Variants in STAMBPL1 observed in about 807,000 individuals in gnomAD.
STAMBPL1 encodes the protein STAM binding protein like 1.
A neutral mutation model predicts 52.9 loss-of-function variants in STAMBPL1; 44 were observed. That is an observed-to-expected ratio of 0.83 (90% CI 0.65 to 1.07). The LOEUF is 1.07. Among genes scored for constraint, STAMBPL1 ranks in the 50% least tolerant of loss-of-function variants. The pLI is 0.00. For synonymous variants in STAMBPL1, 164 were observed against 177.3 expected, an observed-to-expected ratio of 0.92 and a Z score of 0.60; for missense variants, 511 against 520.8, an observed-to-expected ratio of 0.98 and a Z score of 0.18.
At chr10:88,890,430 A>G (rs1455834209) in intron 1 of STAMBPL1, among the ~76,000 whole-genome samples, 1 of 152,226 alleles carries the variant, frequency 6.6e-6, no homozygotes. Context: ...ATGCAGGCAG[A>G]GAAAAGGGTG....
chr10:88,891,743 T>C (rs1311853494), intron 1 of STAMBPL1, among the ~76,000 whole-genome samples: 1 of 152,196 alleles, frequency 6.6e-6, no homozygotes, highest in Non-Finnish European at 1.5e-5. Context: ...CTTTATTAGA[T>C]AATTGTGTAG....
At chr10:88,920,663 AT>A (rs1845486311) in intron 8 of STAMBPL1, among the ~76,000 whole-genome samples, 1 of 151,882 alleles carries the variant, frequency 6.6e-6, no homozygotes, top group African/African-American at 2.4e-5. Context: ...GTAATTTATA[AT>A]CCCCCTTTTT....
intron 3 of STAMBPL1, among the ~76,000 whole-genome samples, chr10:88,906,462 G>A (rs1487861512): frequency 6.6e-6 from 1 of 151,902 alleles, no homozygotes; most frequent in Non-Finnish European, 1.5e-5. Flanking sequence ...GTCACATGCC[G>A]ATTACTTTTG....
chr10:88,919,861 G>T (rs1845464521), intron 8 of STAMBPL1, among the ~76,000 whole-genome samples: 1 of 150,810 alleles, frequency 6.6e-6, no homozygotes. Flanking sequence ...TTCAAGACAG[G>T]ATCTTGCTCT....
chr10:88,909,037 A>T (rs991323562), intron 4 of STAMBPL1, among the ~76,000 whole-genome samples: 3 of 152,140 alleles, frequency 2.0e-5, no homozygotes, highest in African/African-American at 7.2e-5. Context: ...TTTTACAATA[A>T]TCTCTCCCAG....
chr10:88,901,898 A>C (rs1032199355), intron 2 of STAMBPL1, among the ~76,000 whole-genome samples, 160 bp downstream of exon 2: 1 of 152,216 alleles, frequency 6.6e-6, no homozygotes, highest in Non-Finnish European at 1.5e-5. Context: ...GTGACTAATA[A>C]AGCTATCTTT....
At chr10:88,885,226 G>T (rs574716988) in intron 1 of STAMBPL1, among the ~76,000 whole-genome samples, 3 of 152,238 alleles carry the variant, frequency 2.0e-5, no homozygotes, top group African/African-American at 7.2e-5. Flanking sequence ...CATGCCAGGT[G>T]CTGGGGATAC....
chr10:88,881,962 A>G (rs1844417197), intron 1 of STAMBPL1: 1 of 152,196 alleles, frequency 6.6e-6, no homozygotes, highest in Non-Finnish European at 1.5e-5. Context: ...AAAGGCATAA[A>G]ATGTTATTGG....
At chr10:88,897,567 A>C (rs1564624136) in intron 1 of STAMBPL1, among the ~76,000 whole-genome samples, 1 of 152,182 alleles carries the variant, frequency 6.6e-6, no homozygotes, top group Non-Finnish European at 1.5e-5. Flanking sequence ...CAAGAATGTG[A>C]GGTAGAGGTC....
Position 88,923,233 on chromosome 10 carries a change from G to A in STAMBPL1, c.*9G>A. 6.3e-7 allele frequency: 1 copy of A among 1,597,676 alleles called. No individual in the cohort carries two copies. The highest frequency in any genetic ancestry group is 1.1e-5 in the South Asian group (1 of 87,188). ...TGTTGGATCTGAGGTGATATGTTCT[G>A]AATGTAAGCACCGTCAACATCAGAC... On this transcript the variant is annotated 3_prime_UTR_variant, in exon 11 of 11. Transcript: ENST00000371926.
intron 8 of STAMBPL1, among the ~76,000 whole-genome samples, chr10:88,917,544 T>C (rs1431652720): frequency 1.3e-5 from 2 of 152,148 alleles, no homozygotes; most frequent in Non-Finnish European, 2.9e-5. Context: ...GTGGAGATCA[T>C]AATAATTGAC....
intron 4 of STAMBPL1, among the ~76,000 whole-genome samples, chr10:88,910,615 G>A (rs772189089): frequency 6.6e-6 from 1 of 152,102 alleles, no homozygotes; most frequent in Non-Finnish European, 1.5e-5. Context: ...TAAAAATGGG[G>A]TACCACAAAG....
At chr10:88,914,490 A>G (rs1421984727) in intron 6 of STAMBPL1, 44 bp from the exon 7 acceptor site, 2 of 1,412,178 alleles carry the variant, frequency 1.4e-6, no homozygotes, top group African/African-American at 2.9e-5. Context: ...AAGATGGGAC[A>G]TATAGTTTGT....
chr10:88,915,539 C>T (rs1162416319), intron 7 of STAMBPL1, among the ~76,000 whole-genome samples: 2 of 152,206 alleles, frequency 1.3e-5, no homozygotes, highest in Non-Finnish European at 2.9e-5. Context: ...TTCACCCCCA[C>T]ATCGTGTTGT....
At chr10:88,920,876 C>G (rs943158531) in intron 8 of STAMBPL1, among the ~76,000 whole-genome samples, 2 of 152,176 alleles carry the variant, frequency 1.3e-5, no homozygotes, top group Non-Finnish European at 2.9e-5. Context: ...AATCACAGCT[C>G]TGCTCCTTAC....
chr10:88,919,687 G>A lies in STAMBPL1; in HGVS notation c.1042-1596G>A, dbSNP rs183582963. On this transcript the variant is annotated intron_variant, in intron 8 of 10. Transcript: ENST00000371926. Reference sequence around the variant, plus strand: ...CACTCATACCCCCTACTGAAGATTTGCATTTTAAAAGTTAGGATAATTTCC... The same window carrying A: ...CACTCATACCCCCTACTGAAGATTTACATTTTAAAAGTTAGGATAATTTCC... Among the ~76,000 whole-genome samples, 8 of 152,140 alleles carry A rather than the reference G, an allele frequency of 5.3e-5. No individual in the cohort carries two copies. The East Asian group carries it at 1.5e-3, about 29-fold the overall frequency.
intron 1 of STAMBPL1, among the ~76,000 whole-genome samples, chr10:88,893,356 CTG>C (rs2133138917): frequency 6.6e-6 from 1 of 152,260 alleles, no homozygotes; most frequent in South Asian, 2.1e-4. Context: ...TTGAATTGAA[CTG>C]TGTCTAGATA....
intron 9 of STAMBPL1, 80 bp from the exon 10 acceptor site, chr10:88,922,257 G>T: frequency 8.0e-7 from 1 of 1,248,682 alleles, no homozygotes; most frequent in Non-Finnish European, 1.2e-6. Flanking sequence ...GAATATGTAT[G>T]TGTGTGCTGT....
chr10:88,902,865 G>A (rs752349481), intron 2 of STAMBPL1, among the ~76,000 whole-genome samples: 3 of 152,214 alleles, frequency 2.0e-5, no homozygotes, highest in Non-Finnish European at 2.9e-5. Context: ...CACCGCACCC[G>A]GCCCCTAATG....
Sources: allele counts gnomAD v4.1 joint callset (sites outside exome capture counted in the v4.1 genomes callset), GRCh38; gene constraint gnomAD v4.1.1; transcripts MANE v1.5; gene names NCBI Gene and HGNC (gene_info 2026-07-23, HGNC 2026-07-21).